GRN: variants seen among roughly 807,000 people sequenced by gnomAD.
GRN encodes the protein progranulin.
Under a neutral mutation model 66.7 loss-of-function variants are expected in GRN, and 30 were observed. The observed-to-expected ratio is 0.45, with a 90% CI of 0.34 to 0.61. The LOEUF (loss-of-function observed/expected upper bound fraction) is 0.61. Ranked by LOEUF, GRN falls within the 20% of genes least tolerant of loss-of-function variation. The pLI is 0.01. For missense variants in GRN, 731 were observed against 803.5 expected (o/e 0.91, Z 1.09); for synonymous variants, 327 against 311.1 (o/e 1.05, Z -0.54).
Position 44,350,432 on chromosome 17 carries a change from T to A in GRN, c.463-10T>A, listed in dbSNP as rs1180209923. On this transcript the variant is annotated splice_polypyrimidine_tract_variant and intron_variant, in intron 5 of 12. Coordinates refer to ENST00000053867, the MANE Select transcript of GRN (RefSeq NM_002087.4). ...GGGGTGAAGACGGAGTCAGGACCAT[T>A]TTTTCTCAGGCTTCCTGCTGTGAAG... 1.2e-5 allele frequency: 19 copies of A among 1,613,612 alleles called. No individual in the cohort carries two copies. Among genetic ancestry groups the A allele is most frequent in the Non-Finnish European group, 1.6e-5 (19 of 1,179,906 alleles).
At chr17:44,351,913 G>T in intron 10 of GRN, 102 bp from the exon 11 acceptor site, 1 of 1,468,396 alleles carries the variant, frequency 6.8e-7, no homozygotes, top group East Asian at 2.3e-5. Context: ...GTCCCCAGCT[G>T]GAGGTGCTGT....
At position 44,349,986 on chromosome 17, in the gene GRN, C is replaced by T. The variant is rs565810289; in HGVS notation, c.349+235C>T. 68 of 640,844 alleles carry T rather than the reference C, an allele frequency of 1.1e-4. No homozygotes were observed. In the East Asian group the frequency reaches 1.8e-3, roughly 17 times the overall value. The allele number at this position is 640,844 out of a possible 1,614,324, so 39.7% of individuals were successfully genotyped here. Reference sequence around the variant, plus strand: ...GTTGTGGGGGTGGGGAGAGGTCGAGCTGGGCCGGTCTAATACCAACCCATG... The same window carrying T: ...GTTGTGGGGGTGGGGAGAGGTCGAGTTGGGCCGGTCTAATACCAACCCATG... On this transcript the variant is annotated intron_variant, in intron 4 of 12. Transcript: ENST00000053867.
chr17:44,350,533 A>C lies in GRN; in HGVS notation c.554A>C (p.His185Pro), dbSNP rs1175336707. 1 of 1,613,710 alleles carries C rather than the reference A, an allele frequency of 6.2e-7. No homozygotes were observed. Among genetic ancestry groups the C allele is most frequent in the East Asian group, 2.2e-5 (1 of 44,872 alleles). The change falls in exon 6 of 13, where the codon CAC becomes CCC. Residue 185 changes from histidine (H) to proline (P), a missense_variant. Physicochemically the swap from His to Pro is moderately conservative, Grantham distance 77. Transcript: ENST00000053867. The stretch of plus-strand genomic sequence containing the variant: ...CGCTGCATCACACCCACGGGCACCC[A>C]CCCCCTGGCAAAGAAGCTCCCTGCC... Reference protein sequence around the residue: ...HTRCITPTGTHPLAKKLPAQR... With the variant: ...HTRCITPTGTPPLAKKLPAQR...
At chr17:44,350,365 T>C (rs775220946) in intron 5 of GRN, 25 bp downstream of exon 5, 25 of 1,563,100 alleles carry the variant, frequency 1.6e-5, no homozygotes, top group Non-Finnish European at 2.2e-5. Context: ...GAGATGGGGG[T>C]ATGTGGAGGG....
Position 44,350,736 on chromosome 17 carries a change from G to T in GRN, c.644G>T (p.Cys215Phe). The T allele has an allele frequency of 6.2e-7, 1 of 1,614,104 alleles. No homozygotes were observed. ...SVMCPDARSR[C>F]PDGSTCCELP... ...ATGTGTCCGGACGCACGGTCCCGGT[G>T]CCCTGATGGTTCTACCTGCTGTGAG... The change falls in exon 7 of 13, where the codon TGC (cysteine) becomes TTC (phenylalanine). Residue 215 changes from cysteine to phenylalanine, a missense_variant. Cys to Phe is a radical substitution (Grantham distance 205). Transcript: ENST00000053867.
chr17:44,349,670 G>A lies in GRN; in HGVS notation c.268G>A (p.Val90Met), dbSNP rs200019356. 5.3e-5 allele frequency: 86 copies of A among 1,611,904 alleles called. No individual in the cohort carries two copies. Among genetic ancestry groups the A allele is most frequent in the South Asian group, 1.8e-4 (16 of 91,048 alleles). ...TSSCCPFPEA[V>M]ACGDGHHCCP... ...CAGGTTTCTCTGTGTTCCACAGGCC[G>A]TGGCATGCGGGGATGGCCATCACTG... Residue 90 changes from valine to methionine, a missense_variant, in exon 4 of 13, where the codon GTG becomes ATG. Physicochemically the swap from Val to Met is conservative, Grantham distance 21 (BLOSUM62 1). This residue lies in a region of GRN where 370 missense variants were observed against 379.8 expected (regional missense o/e 0.97). Coordinates refer to ENST00000053867, the MANE Select transcript of GRN (RefSeq NM_002087.4).
chr17:44,351,118 G>A lies in GRN; in HGVS notation c.790G>A (p.Glu264Lys). The part of the protein sequence containing the change: ...DLIQSKCLSK[E>K]NATTDLLTKL... Reference sequence around the variant, plus strand: ...GATCCAGAGTAAGTGCCTCTCCAAGGAGAACGCTACCACGGACCTCCTCAC... The same window carrying A: ...GATCCAGAGTAAGTGCCTCTCCAAGAAGAACGCTACCACGGACCTCCTCAC... Residue 264 changes from glutamate to lysine, a missense_variant, in exon 8 of 13, where the codon GAG becomes AAG. Glu to Lys is a moderately conservative substitution (Grantham distance 56). Around this residue, in one of 3 missense-constraint regions of GRN, gnomAD observed 370 missense variants for 379.8 expected, o/e 0.97. Coordinates refer to ENST00000053867, the MANE Select transcript of GRN (RefSeq NM_002087.4). The A allele has an allele frequency of 6.2e-7, 1 of 1,614,126 alleles. No individual in the cohort carries two copies. Among genetic ancestry groups the A allele is most frequent in the Non-Finnish European group, 8.5e-7 (1 of 1,179,994 alleles).
At chr17:44,348,883 A>AG (rs1193091548) in intron 1 of GRN, among the ~76,000 whole-genome samples, 1 of 152,230 alleles carries the variant, frequency 6.6e-6, no homozygotes, top group Non-Finnish European at 1.5e-5. Context: ...CCCAGGCATT[A>AG]GGCCATGTGC....
chr17:44,349,495 G>C lies in GRN; in HGVS notation c.208G>C (p.Gly70Arg), dbSNP rs772381732. ...PCQVDAHCSA[G>R]HSCIFTVSGT... ...CCAGGTTGATGCCCACTGCTCTGCCGGCCACTCCTGCATCTTTACCGTCTC... is the reference window on the plus strand; with the variant it reads ...CCAGGTTGATGCCCACTGCTCTGCCCGCCACTCCTGCATCTTTACCGTCTC... The change falls in exon 3 of 13, where the codon GGC becomes CGC. Residue 70 changes from glycine (G) to arginine (R), a missense_variant. Gly to Arg is a moderately radical substitution (Grantham distance 125). Transcript: ENST00000053867. 6.2e-7 allele frequency: 1 copy of C among 1,614,150 alleles called. No individual in the cohort carries two copies.
intron 9 of GRN, 30 bp from the exon 10 acceptor site, chr17:44,351,520 T>C: frequency 6.2e-7 from 1 of 1,613,686 alleles, no homozygotes; most frequent in Admixed American, 1.7e-5. Context: ...CGGGCCCCAG[T>C]GCCCACCTGC....
At position 44,350,886 on chromosome 17, in the gene GRN, G is replaced by A. The variant is rs1295439537; in HGVS notation, c.708+86G>A. ...ACCTTACAGGGGCTCTGTGGCATGG[G>A]GCTGGCTGGCTGCTTGCTGGGAGCC... On this transcript the variant is annotated intron_variant, in intron 7 of 12. Transcript: ENST00000053867. 5 of 1,394,790 alleles carry A rather than the reference G, an allele frequency of 3.6e-6. No individual in the cohort carries two copies. The Admixed American group carries it at 8.4e-5, about 23-fold the overall frequency. 86.4% of individuals were successfully genotyped at this position (1,394,790 alleles called of 1,614,324 possible). A position where few individuals can be genotyped will look rare whatever the true frequency, so the allele number is the denominator to read the frequency against.
At position 44,349,422 on chromosome 17, in the gene GRN, C is replaced by T. The variant is rs760832802; in HGVS notation, c.139-4C>T. ...GTGGTTTATCATTTTCCCTGTCTTT[C>T]TAGGACAAATGGCCCACAACACTGA... is the stretch of plus-strand genomic sequence containing the variant. On this transcript the variant is annotated splice_polypyrimidine_tract_variant and splice_region_variant and intron_variant, in intron 2 of 12. Coordinates refer to ENST00000053867, the MANE Select transcript of GRN (RefSeq NM_002087.4). 1.9e-6 allele frequency: 3 copies of T among 1,614,220 alleles called. No homozygotes were observed. The highest frequency in any genetic ancestry group is 2.5e-6 in the Non-Finnish European group (3 of 1,180,032).
intron 1 of GRN, among the ~76,000 whole-genome samples, chr17:44,347,015 G>C (rs1215628091): frequency 6.6e-6 from 1 of 151,978 alleles, no homozygotes; most frequent in Non-Finnish European, 1.5e-5. Context: ...TACTTGGGAG[G>C]CTGAGGCAGG....
chr17:44,351,829 AG>A, intron 10 of GRN, 34 bp downstream of exon 10: 1 of 1,606,400 alleles, frequency 6.2e-7, no homozygotes, highest in Non-Finnish European at 8.5e-7. Context: ...TGGCCTGGGC[AG>A]GTGGGTGGCC....
Position 44,349,138 on chromosome 17 carries a change from C to T in GRN, c.-7-20C>T, listed in dbSNP as rs759010768. The T allele has an allele frequency of 2.0e-5, 33 of 1,613,462 alleles. No individual in the cohort carries two copies. Among genetic ancestry groups the T allele is most frequent in the Middle Eastern group, 1.6e-4 (1 of 6,084 alleles). On this transcript the variant is annotated intron_variant, in intron 1 of 12. Transcript: ENST00000053867. ...GGCGTGGGCTTAAGCAGTTGCCAGA[C>T]GTTCCTTGGTACTTTGCAGGCAGAC...
Position 44,352,964 on chromosome 17 carries a change from G to A in GRN, c.*166G>A, listed in dbSNP as rs1166392989. Reference sequence around the variant, plus strand: ...CAATCTAAGGCCTTCCCTGTCAGAAGGGGGTTGTGGCAAAAGCCACATTAC... The same window carrying A: ...CAATCTAAGGCCTTCCCTGTCAGAAAGGGGTTGTGGCAAAAGCCACATTAC... On this transcript the variant is annotated 3_prime_UTR_variant, in exon 13 of 13. Coordinates refer to ENST00000053867, the MANE Select transcript of GRN (RefSeq NM_002087.4). 7 of 694,598 alleles carry A rather than the reference G, an allele frequency of 1.0e-5. No individual in the cohort carries two copies. Among genetic ancestry groups the A allele is most frequent in the African/African-American group, 3.6e-5 (2 of 56,332 alleles). 43.0% of individuals were successfully genotyped at this position (694,598 alleles called of 1,614,324 possible).
In GRN at chr17:44,352,406, A is replaced by C; in HGVS notation, c.1479A>C (p.Arg493=). 1 of 1,614,042 alleles carries C rather than the reference A, an allele frequency of 6.2e-7. No individual in the cohort carries two copies. The highest frequency in any genetic ancestry group is 8.5e-7 in the Non-Finnish European group (1 of 1,180,014). Reference sequence around the variant, plus strand: ...GCTACACCTGCAACGTGAAGGCTCGATCCTGCGAGAAGGAAGTGGTCTCTG... The same window carrying C: ...GCTACACCTGCAACGTGAAGGCTCGCTCCTGCGAGAAGGAAGTGGTCTCTG... ...PAGYTCNVKA[R]SCEKEVVSAQ... Residue 493 remains arginine, a synonymous_variant, in exon 12 of 13, where the codon CGA becomes CGC. Transcript: ENST00000053867.
Position 44,352,934 on chromosome 17 carries a change from G to C in GRN, c.*136G>C. On this transcript the variant is annotated 3_prime_UTR_variant, in exon 13 of 13. Coordinates refer to ENST00000053867, the MANE Select transcript of GRN (RefSeq NM_002087.4). ...AGCTCCCCATCACCATGGGAGGTGG[G>C]GCCTCAATCTAAGGCCTTCCCTGTC... The C allele has an allele frequency of 1.2e-6, 1 of 859,156 alleles. No individual in the cohort carries two copies. The highest frequency in any genetic ancestry group is 1.9e-6 in the Non-Finnish European group (1 of 533,670). The allele number at this position is 859,156 out of a possible 1,614,324, so 53.2% of individuals were successfully genotyped here. A position where few individuals can be genotyped will look rare whatever the true frequency, so the allele number is the denominator to read the frequency against.
chr17:44,347,567 G>C (rs528624151), intron 1 of GRN, among the ~76,000 whole-genome samples: 2 of 151,914 alleles, frequency 1.3e-5, no homozygotes, highest in East Asian at 3.9e-4. Context: ...GATTACAGGC[G>C]TTAGCCACCG....
Sources: allele counts gnomAD v4.1 joint callset (sites outside exome capture counted in the v4.1 genomes callset), GRCh38; gene constraint gnomAD v4.1.1; regional missense constraint gnomAD v4.1.1; transcripts MANE v1.5; gene names NCBI Gene and HGNC (gene_info 2026-07-23, HGNC 2026-07-21).